PSMD3: variants seen among roughly 807,000 people sequenced by gnomAD.
The protein encoded by PSMD3 is 26S proteasome non-ATPase regulatory subunit 3.
Under a neutral mutation model 62.8 loss-of-function variants are expected in PSMD3, and 5 were observed. That is an observed-to-expected ratio of 0.08 (90% CI 0.04 to 0.17). The LOEUF (loss-of-function observed/expected upper bound fraction) is 0.17, where lower values mean the gene tolerates loss of function less well. Among genes scored for constraint, PSMD3 ranks in the 10% least tolerant of loss-of-function variants. The probability of loss-of-function intolerance (pLI) is 1.00; values close to 1 mark genes in which losing one functional copy is unlikely to be tolerated. For missense variants in PSMD3, 524 were observed against 713.6 expected (o/e 0.73, Z 3.03); for synonymous variants, 265 against 283.9 (o/e 0.93, Z 0.67).
intron 1 of PSMD3, among the ~76,000 whole-genome samples, chr17:39,983,324 G>A (rs1980432870): frequency 6.6e-6 from 1 of 152,098 alleles, no homozygotes; most frequent in African/African-American, 2.4e-5. Context: ...GAGCCACTGT[G>A]CCCCACCTAT....
At chr17:39,983,267 A>G (rs907413967) in intron 1 of PSMD3, among the ~76,000 whole-genome samples, 2 of 152,072 alleles carry the variant, frequency 1.3e-5, no homozygotes, top group East Asian at 1.9e-4. Flanking sequence ...TGCTACCCTT[A>G]ATGATCCGCC....
At position 39,984,419 on chromosome 17, in the gene PSMD3, G is replaced by T; in HGVS notation, c.346G>T (p.Ala116Ser). 1 of 1,613,664 alleles carries T rather than the reference G, an allele frequency of 6.2e-7. No homozygotes were observed. The highest frequency in any genetic ancestry group is 8.5e-7 in the Non-Finnish European group (1 of 1,179,938). The change falls in exon 2 of 12, where the codon GCT becomes TCT. Residue 116 changes from alanine (A) to serine (S), a missense_variant. Physicochemically the swap from Ala to Ser is moderately conservative, Grantham distance 99. Coordinates refer to ENST00000264639, the MANE Select transcript of PSMD3 (RefSeq NM_002809.4). Reference protein sequence around the residue: ...RRLNHYVLYKAVQGFFTSNNA... With the variant: ...RRLNHYVLYKSVQGFFTSNNA... The stretch of plus-strand genomic sequence containing the variant: ...CCTCAACCACTATGTTCTGTATAAG[G>T]CTGTGCAGGGCTTCTTCACTTCAAA...
intron 1 of PSMD3, among the ~76,000 whole-genome samples, chr17:39,983,131 C>G (rs1177814408): frequency 6.6e-6 from 1 of 151,946 alleles, no homozygotes; most frequent in Non-Finnish European, 1.5e-5. Context: ...CTCCCAAGTT[C>G]AAGCGATTCT....
At chr17:39,989,983 G>A (rs1980616376) in intron 5 of PSMD3, 54 bp downstream of exon 5, 3 of 1,589,954 alleles carry the variant, frequency 1.9e-6, no homozygotes, top group Non-Finnish European at 2.6e-6. Context: ...CCTGCCTGGT[G>A]CAAATTTTCC....
Position 39,995,658 on chromosome 17 carries a change from C to A in PSMD3, c.1320+131C>A. 1.1e-6 allele frequency: 1 copy of A among 895,330 alleles called. No individual in the cohort carries two copies. The highest frequency in any genetic ancestry group is 1.8e-6 in the Non-Finnish European group (1 of 568,562). 55.5% of individuals were successfully genotyped at this position (895,330 alleles called of 1,614,324 possible). A position where few individuals can be genotyped will look rare whatever the true frequency, so the allele number is the denominator to read the frequency against. ...TGGCATAGTCATTTCAGGGCGTGCC[C>A]GTCATTTGCAGTGAAGCCAAGAAGT... On this transcript the variant is annotated intron_variant, in intron 9 of 11. Transcript: ENST00000264639. The surrounding 1 kb of genome is among the most constrained non-coding windows in gnomAD (Gnocchi z 4.1).
chr17:39,981,277 C>T, intron 1 of PSMD3, 87 bp downstream of exon 1: 2 of 1,526,156 alleles, frequency 1.3e-6, no homozygotes, highest in Non-Finnish European at 1.8e-6. Flanking sequence ...GCCACAGCAG[C>T]CTCCACCACC....
In PSMD3 at chr17:39,995,078, G is replaced by C; in HGVS notation, c.1096+10G>C. ...TTCCTTCTGACTCAAGGTAAGGCTGGCTTCCCCACCCCAGAGCCCACTAGG... is the reference window on the plus strand; with the variant it reads ...TTCCTTCTGACTCAAGGTAAGGCTGCCTTCCCCACCCCAGAGCCCACTAGG... On this transcript the variant is annotated intron_variant, in intron 7 of 11. Transcript: ENST00000264639. The surrounding 1 kb of genome is among the most constrained non-coding windows in gnomAD (Gnocchi z 4.1). 2 of 1,614,012 alleles carry C rather than the reference G, an allele frequency of 1.2e-6. No homozygotes were observed.
chr17:39,989,391 C>T (rs1980600919), intron 4 of PSMD3, among the ~76,000 whole-genome samples: 1 of 152,204 alleles, frequency 6.6e-6, no homozygotes, highest in African/African-American at 2.4e-5. Context: ...CCTGCCTTGG[C>T]CAAGCTATTG....
At chr17:39,990,721 A>T (rs1980636073) in intron 6 of PSMD3, among the ~76,000 whole-genome samples, 1 of 152,172 alleles carries the variant, frequency 6.6e-6, no homozygotes, top group African/African-American at 2.4e-5. Context: ...AGCGCTCCTG[A>T]CAGTCATTCC....
chr17:39,989,862 G>T lies in PSMD3; in HGVS notation c.810G>T (p.Leu270=). 6.2e-7 allele frequency: 1 copy of T among 1,614,190 alleles called. No homozygotes were observed. Among genetic ancestry groups the T allele is most frequent in the Non-Finnish European group, 8.5e-7 (1 of 1,180,032 alleles). ...HYSLYDQAEK[L]VSKSVFPEQA... ...GCTTGTACGACCAGGCTGAGAAGCTGGTGTCCAAGTCTGTGTTCCCAGAGC... is the reference window on the plus strand; with the variant it reads ...GCTTGTACGACCAGGCTGAGAAGCTTGTGTCCAAGTCTGTGTTCCCAGAGC... The change falls in exon 5 of 12, where the codon CTG becomes CTT. Residue 270 remains leucine (L), a synonymous_variant. Coordinates refer to ENST00000264639, the MANE Select transcript of PSMD3 (RefSeq NM_002809.4).
At chr17:39,988,875 C>T (rs1377625168) in intron 4 of PSMD3, 56 bp downstream of exon 4, 16 of 1,587,956 alleles carry the variant, frequency 1.0e-5, no homozygotes, top group Non-Finnish European at 1.3e-5. Context: ...CTTGGTCAGT[C>T]ACAAGCACAC....
Position 39,995,224 on chromosome 17 carries a change from T to C in PSMD3, c.1145T>C (p.Phe382Ser). 3 of 1,613,918 alleles carry C rather than the reference T, an allele frequency of 1.9e-6. No individual in the cohort carries two copies. Among genetic ancestry groups the C allele is most frequent in the South Asian group, 1.1e-5 (1 of 91,076 alleles). ...AAGTTCAACCAGGTCCTGGATCAGT[T>C]TGGGGAGAAGTTTCAAGCAGATGGG... ...LAKFNQVLDQ[F>S]GEKFQADGTY... Residue 382 changes from phenylalanine to serine, a missense_variant, in exon 8 of 12, where the codon TTT becomes TCT. Phe to Ser is a radical substitution (Grantham distance 155). Around this residue, in one of 4 missense-constraint regions of PSMD3, gnomAD observed 32 missense variants for 85.4 expected, o/e 0.37. Coordinates refer to ENST00000264639, the MANE Select transcript of PSMD3 (RefSeq NM_002809.4). The surrounding 1 kb of genome is among the most constrained non-coding windows in gnomAD (Gnocchi z 4.1).
At chr17:39,984,944 C>T (rs1263075374) in intron 2 of PSMD3, among the ~76,000 whole-genome samples, 1 of 151,106 alleles carries the variant, frequency 6.6e-6, no homozygotes, top group Non-Finnish European at 1.5e-5. Context: ...CTAACATCGT[C>T]ATCCCAGCAC....
intron 6 of PSMD3, chr17:39,994,519 C>A: frequency 4.7e-6 from 1 of 210,760 alleles, no homozygotes; most frequent in Non-Finnish European, 9.8e-6. Flanking sequence ...TGAGTTCTAC[C>A]CACTGATGAC....
intron 6 of PSMD3, among the ~76,000 whole-genome samples, chr17:39,990,982 C>T (rs891998429): frequency 7.2e-5 from 11 of 152,006 alleles, no homozygotes; most frequent in South Asian, 2.1e-4. Context: ...TCTTTTCTTT[C>T]GTTTTTTGTT....
At position 39,996,435 on chromosome 17, in the gene PSMD3, C is replaced by T; in HGVS notation, c.1476+97C>T. ...AGAGAAGACTGGCTTAATTTGTGGC[C>T]CACGTCCCAGCCAATCTCTGTAAAA... On this transcript the variant is annotated intron_variant, in intron 10 of 11. Transcript: ENST00000264639. This position sits in a 1 kb window ranked among gnomAD's most constrained non-coding sequence, Gnocchi z 5.1. 6.8e-7 allele frequency: 1 copy of T among 1,463,766 alleles called. No individual in the cohort carries two copies. Among genetic ancestry groups the T allele is most frequent in the Non-Finnish European group, 9.3e-7 (1 of 1,074,086 alleles). The allele number at this position is 1,463,766 out of a possible 1,614,324, so 90.7% of individuals were successfully genotyped here.
At position 39,996,227 on chromosome 17, in the gene PSMD3, G is replaced by C; in HGVS notation, c.1365G>C (p.Lys455Asn). 1 of 1,614,028 alleles carries C rather than the reference G, an allele frequency of 6.2e-7. No homozygotes were observed. The highest frequency in any genetic ancestry group is 8.5e-7 in the Non-Finnish European group (1 of 1,180,030). Residue 455 changes from lysine to asparagine, a missense_variant, in exon 10 of 12, where the codon AAG (lysine) becomes AAC (asparagine). By Grantham distance (94) the Lys-to-Asn change is moderately conservative. Around this residue, in one of 4 missense-constraint regions of PSMD3, gnomAD observed 76 missense variants for 97.3 expected, o/e 0.78. Transcript: ENST00000264639. This position sits in a 1 kb window ranked among gnomAD's most constrained non-coding sequence, Gnocchi z 5.1. The part of the protein sequence containing the change: ...GVIEASINHE[K>N]GYVQSKEMID... ...TTGAGGCCAGCATCAACCACGAGAAGGGCTATGTCCAATCCAAGGAGATGA... is the reference window on the plus strand; with the variant it reads ...TTGAGGCCAGCATCAACCACGAGAACGGCTATGTCCAATCCAAGGAGATGA...
In PSMD3 at chr17:39,984,208, A is replaced by AG. The variant is rs1371639706; in HGVS notation, c.221-86_221-85insG. The AG allele has an allele frequency of 3.9e-6, 3 of 774,962 alleles. No individual in the cohort carries two copies. The African/African-American group carries it at 5.5e-5, about 14-fold the overall frequency. 48.0% of individuals were successfully genotyped at this position (774,962 alleles called of 1,614,324 possible). On this transcript the variant is annotated intron_variant, in intron 1 of 11. Coordinates refer to ENST00000264639, the MANE Select transcript of PSMD3 (RefSeq NM_002809.4). ...GAGTGAGACTCCGTCTCAAAAAAAA[A>AG]AAAAAAAAAAAAAAGAACTCCTTGC... is the stretch of plus-strand genomic sequence containing the variant.
At chr17:39,985,550 C>A (rs532668232) in intron 2 of PSMD3, among the ~76,000 whole-genome samples, 2 of 152,360 alleles carry the variant, frequency 1.3e-5, no homozygotes, top group African/African-American at 4.8e-5. Context: ...CAGCCTTCTC[C>A]AATTCCACTG....
Sources: allele counts gnomAD v4.1 joint callset (sites outside exome capture counted in the v4.1 genomes callset), GRCh38; gene constraint gnomAD v4.1.1; regional missense constraint gnomAD v4.1.1; non-coding constraint Gnocchi (gnomAD v3.1); transcripts MANE v1.5; gene names NCBI Gene and HGNC (gene_info 2026-07-23, HGNC 2026-07-21).